Variants in DNAH17 observed in about 807,000 individuals in gnomAD.
DNAH17 encodes the protein dynein axonemal heavy chain 17.
In DNAH17, 376 loss-of-function variants were observed where a neutral mutation model predicts 485.6. That is an observed-to-expected ratio of 0.77 (90% CI 0.71 to 0.84). The LOEUF is 0.84. DNAH17 is among the 40% of genes least tolerant of loss of function. The pLI, the probability that DNAH17 is intolerant of heterozygous loss-of-function variation, is 0.00. For missense variants in DNAH17, 6,370 were observed against 5,839.3 expected (o/e 1.09, Z -2.96); for synonymous variants, 3,031 against 2,405.9 (o/e 1.26, Z -7.60).
intron 16 of DNAH17, among the ~76,000 whole-genome samples, chr17:78,547,072 T>A (rs1390313772): frequency 6.6e-6 from 1 of 152,238 alleles, no homozygotes; most frequent in African/African-American, 2.4e-5. Flanking sequence ...CTACAAGTAT[T>A]GCTTTTGACT....
At chr17:78,511,963 C>A (rs980108568) in intron 26 of DNAH17, among the ~76,000 whole-genome samples, 1 of 152,234 alleles carries the variant, frequency 6.6e-6, no homozygotes, top group African/African-American at 2.4e-5. Context: ...CCCTGGGGAG[C>A]AAGTGGGTGC....
At chr17:78,566,844 G>T in intron 10 of DNAH17, 114 bp from the exon 11 acceptor site, 1 of 1,286,192 alleles carries the variant, frequency 7.8e-7, no homozygotes, top group Non-Finnish European at 1.1e-6. Flanking sequence ...AGCTGAATGT[G>T]CTGTTGCGGG....
chr17:78,434,333 C>G, intron 74 of DNAH17, 113 bp from the exon 75 acceptor site: 350 of 743,226 alleles, frequency 4.7e-4, no homozygotes, highest in African/African-American at 5.8e-4. Context: ...AGGGTGGGGG[C>G]GGTGGGGGGT....
rs780882670 is a variant in DNAH17, at chr17:78,527,022, GCTC to G, written c.3508-29_3508-27del. On this transcript the variant is annotated intron_variant, in intron 22 of 80. Coordinates refer to ENST00000389840, the MANE Select transcript of DNAH17 (RefSeq NM_173628.4). The stretch of plus-strand genomic sequence containing the variant: ...CTGCGGGAAGCAAAGGCAGAGGAGG[GCTC>G]CTTTCTCATTTCTTTTCTTAAACCT... The G allele has an allele frequency of 1.9e-5, 29 of 1,506,052 alleles. No individual in the cohort carries two copies. The South Asian group carries it at 3.3e-4, about 17-fold the overall frequency. The allele number at this position is 1,506,052 out of a possible 1,614,324, so 93.3% of individuals were successfully genotyped here.
Position 78,532,559 on chromosome 17 carries a change from T to C in DNAH17, c.3037A>G (p.Thr1013Ala), listed in dbSNP as rs781354725. 4.9e-5 allele frequency: 79 copies of C among 1,610,644 alleles called. 2 individuals carry two copies. In the South Asian group the frequency reaches 8.0e-4, roughly 16 times the overall value. ...GTCCAGGTGTCCAAGTCCTCCGCAGTGACTGCACACCCATATATCAGGAAA... is the reference window on the plus strand; with the variant it reads ...GTCCAGGTGTCCAAGTCCTCCGCAGCGACTGCACACCCATATATCAGGAAA... ...KNFLIYGCAV[T>A]AEDLDTWTDD... The change falls in exon 20 of 81, where the codon ACT becomes GCT. Residue 1013 changes from threonine (T) to alanine (A), a missense_variant. By Grantham distance (58) the Thr-to-Ala change is moderately conservative. Coordinates refer to ENST00000389840, the MANE Select transcript of DNAH17 (RefSeq NM_173628.4).
rs2092414076 is a variant in DNAH17 at position 78,575,030 on chromosome 17, C to G, written c.28G>C (p.Glu10Gln). The G allele has an allele frequency of 2.5e-6, 4 of 1,613,792 alleles. No individual in the cohort carries two copies. Among genetic ancestry groups the G allele is most frequent in the Non-Finnish European group, 2.5e-6 (3 of 1,179,810 alleles). Residue 10 changes from glutamate (E) to glutamine (Q), a missense_variant, in exon 2 of 81, where the codon GAG becomes CAG. Coordinates refer to ENST00000389840, the MANE Select transcript of DNAH17 (RefSeq NM_173628.4). ...ATGGAGGCAACTTCCTCCAGATACTCTAGTCTGACGTCCGGGGCCATTGTC... is the reference window on the plus strand; with the variant it reads ...ATGGAGGCAACTTCCTCCAGATACTGTAGTCTGACGTCCGGGGCCATTGTC... MTMAPDVRL[E>Q]YLEEVASIVL...
At chr17:78,530,836 C>T (rs1298526852) in intron 20 of DNAH17, among the ~76,000 whole-genome samples, 4 of 152,148 alleles carry the variant, frequency 2.6e-5, no homozygotes, top group Non-Finnish European at 5.9e-5. Flanking sequence ...TAAAGGGCAT[C>T]CCTAGCTCAT....
intron 45 of DNAH17, 21 bp from the exon 46 acceptor site, chr17:78,486,154 A>T: frequency 6.2e-7 from 1 of 1,609,438 alleles, no homozygotes; most frequent in African/African-American, 1.3e-5. Flanking sequence ...ACAGAAGTAA[A>T]AATCAGGGCC....
At chr17:78,575,152 C>T (rs1258199328) in intron 1 of DNAH17, 70 bp from the exon 2 acceptor site, 4 of 1,006,788 alleles carry the variant, frequency 4.0e-6, no homozygotes, top group Non-Finnish European at 2.9e-6. Flanking sequence ...ATCCCTGGCA[C>T]CGCAGGAAAT....
intron 16 of DNAH17, among the ~76,000 whole-genome samples, chr17:78,545,042 A>G (rs949089348): frequency 6.6e-6 from 1 of 151,476 alleles, no homozygotes; most frequent in Non-Finnish European, 1.5e-5. Flanking sequence ...CCTCCTCCTC[A>G]CGGCTGCCTC....
intron 13 of DNAH17, among the ~76,000 whole-genome samples, chr17:78,558,950 C>T (rs2092091966): frequency 6.6e-6 from 1 of 152,214 alleles, no homozygotes; most frequent in Non-Finnish European, 1.5e-5. Flanking sequence ...TCCTTCTGGG[C>T]ACACAGTGTC....
chr17:78,571,583 G>A lies in DNAH17; in HGVS notation c.732+7C>T, dbSNP rs757049700. On this transcript the variant is annotated splice_region_variant and intron_variant, in intron 4 of 80. Coordinates refer to ENST00000389840, the MANE Select transcript of DNAH17 (RefSeq NM_173628.4). ...GCTGCAGCCCCACAGGAGAGAGGAG[G>A]CCGTACCTGTTCATGGATGCACTTG... The A allele has an allele frequency of 1.3e-5, 21 of 1,613,484 alleles. No homozygotes were observed. The East Asian group carries it at 2.5e-4, about 19-fold the overall frequency.
chr17:78,441,452 G>A (rs1269722197), intron 71 of DNAH17, among the ~76,000 whole-genome samples: 1 of 152,158 alleles, frequency 6.6e-6, no homozygotes, highest in Non-Finnish European at 1.5e-5. Flanking sequence ...GCCTAAGCAG[G>A]TGCAGGGAGA....
chr17:78,479,233 C>G, intron 50 of DNAH17, 117 bp from the exon 51 acceptor site: 2 of 1,109,820 alleles, frequency 1.8e-6, no homozygotes, highest in South Asian at 1.5e-5. Context: ...AGTAAGAAAT[C>G]TGCACAGCTC....
intron 80 of DNAH17, 90 bp from the exon 81 acceptor site, chr17:78,424,243 C>CAGA: frequency 6.8e-7 from 1 of 1,477,022 alleles, no homozygotes; most frequent in Admixed American, 2.1e-5. Context: ...CACTCCCCGC[C>CAGA]CTCTGCAGAG....
chr17:78,576,235 T>A (rs2092430784), intron 1 of DNAH17, among the ~76,000 whole-genome samples: 1 of 152,208 alleles, frequency 6.6e-6, no homozygotes, highest in Non-Finnish European at 1.5e-5. Flanking sequence ...AGACACGTAA[T>A]ACCACGGAAC....
chr17:78,554,977 C>T (rs542706551), intron 14 of DNAH17, among the ~76,000 whole-genome samples: 1 of 152,258 alleles, frequency 6.6e-6, no homozygotes, highest in South Asian at 2.1e-4. Flanking sequence ...GAACTCCTGA[C>T]CTCAAGTGAT....
At position 78,444,802 on chromosome 17, in the gene DNAH17, G is replaced by GGGCAGA; in HGVS notation, c.11335-11_11335-6dup. 1 of 1,558,350 alleles carries GGGCAGA rather than the reference G, an allele frequency of 6.4e-7. No homozygotes were observed. ...CTCATCCATCTCCGAGAGGGCCTAG[G>GGGCAGA]GGCAGAGGCAGCGGGCCCTGTGACT... On this transcript the variant is annotated splice_polypyrimidine_tract_variant and splice_region_variant and intron_variant, in intron 70 of 80. Coordinates refer to ENST00000389840, the MANE Select transcript of DNAH17 (RefSeq NM_173628.4).
chr17:78,439,838 G>GTT (rs1361793893), intron 72 of DNAH17, among the ~76,000 whole-genome samples: 3 of 151,330 alleles, frequency 2.0e-5, no homozygotes, highest in Non-Finnish European at 4.4e-5. Flanking sequence ...CCTGGCTAAT[G>GTT]TTTGTATTTT....
Sources: allele counts gnomAD v4.1 joint callset (sites outside exome capture counted in the v4.1 genomes callset), GRCh38; gene constraint gnomAD v4.1.1; transcripts MANE v1.5; gene names NCBI Gene and HGNC (gene_info 2026-07-23, HGNC 2026-07-21).